The following HNRNPR variants were observed in gnomAD, a reference collection of about 807,000 sequenced individuals.
HNRNPR encodes the protein heterogeneous nuclear ribonucleoprotein R.
HNRNPR carries 4 observed loss-of-function variants against 70.3 expected under a neutral mutation model. The ratio of observed to expected loss-of-function variants is 0.06; its 90% confidence interval spans 0.03 to 0.13. HNRNPR has a LOEUF of 0.13. HNRNPR is among the 10% of genes least tolerant of loss of function. The probability of loss-of-function intolerance (pLI) is 1.00; values close to 1 mark genes in which losing one functional copy is unlikely to be tolerated. For missense variants in HNRNPR, 423 were observed against 788.5 expected (o/e 0.54, Z 5.55); for synonymous variants, 241 against 267.6 (o/e 0.90, Z 0.97).
In HNRNPR at chr1:23,305,665, A is replaced by G. The variant is rs1645192468; in HGVS notation, c.*4789T>C. On this transcript the variant is annotated 3_prime_UTR_variant, in exon 11 of 11. Transcript: ENST00000302271. ...ACCTTACCATCATGGAATCCCCTAC[A>G]AACTATAAGATGAGGGATTTTAATC... 6.6e-6 allele frequency: 1 copy of G among 152,180 alleles called. No individual in the cohort carries two copies. Among genetic ancestry groups the G allele is most frequent in the Non-Finnish European group, 1.5e-5 (1 of 68,004 alleles). The allele number at this position is 152,180 out of a possible 1,614,324, so 9.4% of individuals were successfully genotyped here.
intron 5 of HNRNPR, among the ~76,000 whole-genome samples, chr1:23,328,784 G>A (rs1362202989): frequency 6.6e-6 from 1 of 152,170 alleles, no homozygotes; most frequent in Non-Finnish European, 1.5e-5. Context: ...ACAGGCGTGA[G>A]CCACCGCACC....
Position 23,318,158 on chromosome 1 carries a change from T to A in HNRNPR, c.1017+325A>T, listed in dbSNP as rs1353453517. On this transcript the variant is annotated intron_variant, in intron 8 of 10. Transcript: ENST00000302271. This position sits in a 1 kb window ranked among gnomAD's most constrained non-coding sequence, Gnocchi z 4.2. The stretch of plus-strand genomic sequence containing the variant: ...TCCAAAACATTACTTCTCTCTTTAC[T>A]CAGGACTTTTAAAAAAAAAAAAAAC... Among the ~76,000 whole-genome samples, 2 of 149,148 alleles carry A rather than the reference T, an allele frequency of 1.3e-5. No individual in the cohort carries two copies. Among genetic ancestry groups the A allele is most frequent in the East Asian group, 3.9e-4 (2 of 5,158 alleles).
At chr1:23,338,453 C>T in intron 3 of HNRNPR, 37 bp downstream of exon 3, 2 of 793,584 alleles carry the variant, frequency 2.5e-6, no homozygotes, top group Non-Finnish European at 3.9e-6. Context: ...TTTCAGATTA[C>T]TAATTGTTCA....
rs1245742664 is a variant in HNRNPR, at chr1:23,308,620, CT to C, written c.*1833del. 2.6e-5 allele frequency: 4 copies of C among 152,030 alleles called. No homozygotes were observed. Among genetic ancestry groups the C allele is most frequent in the Non-Finnish European group, 5.9e-5 (4 of 67,902 alleles). 9.4% of individuals were successfully genotyped at this position (152,030 alleles called of 1,614,324 possible). On this transcript the variant is annotated 3_prime_UTR_variant, in exon 11 of 11. Transcript: ENST00000302271. ...ACTATCATACAACAGACCATAATTC[CT>C]TTATCAGTTTCCAAAAAACTAAAAT...
rs762086929 is a variant in HNRNPR, at chr1:23,340,929, G to T, written c.80C>A (p.Thr27Lys). The T allele has an allele frequency of 1.2e-6, 2 of 1,613,116 alleles. No individual in the cohort carries two copies. The highest frequency in any genetic ancestry group is 1.7e-6 in the Non-Finnish European group (2 of 1,179,226). ...EPMDTSSVTH[T>K]EHYKTLIEAG... is the part of the protein sequence containing the mutation. ...CTCTATCAGTGTCTTGTAGTGTTCT[G>T]TGTGAGTTACACTGGAAGTATCCAT... The change falls in exon 2 of 11, where the codon ACA becomes AAA. Residue 27 changes from threonine to lysine, a missense_variant. Physicochemically the swap from Thr to Lys is moderately conservative, Grantham distance 78. This residue lies in a region of HNRNPR where 44 missense variants were observed against 89.0 expected (regional missense o/e 0.49). Coordinates refer to ENST00000302271, the MANE Select transcript of HNRNPR (RefSeq NM_005826.5).
rs910087628 is a variant in HNRNPR at position 23,305,215 on chromosome 1, T to A, written c.*5239A>T. ...CTTACATAAACTCATCAGAATTACA[T>A]GAATATTCCTACTGCTTACCTTAAA... On this transcript the variant is annotated 3_prime_UTR_variant, in exon 11 of 11. Coordinates refer to ENST00000302271, the MANE Select transcript of HNRNPR (RefSeq NM_005826.5). 1 of 152,210 alleles carries A rather than the reference T, an allele frequency of 6.6e-6. No homozygotes were observed. Among genetic ancestry groups the A allele is most frequent in the East Asian group, 1.9e-4 (1 of 5,202 alleles). 9.4% of individuals were successfully genotyped at this position (152,210 alleles called of 1,614,324 possible).
chr1:23,337,872 CAAGT>C lies in HNRNPR; in HGVS notation c.277-15_277-12del. On this transcript the variant is annotated splice_polypyrimidine_tract_variant and intron_variant, in intron 3 of 10. Coordinates refer to ENST00000302271, the MANE Select transcript of HNRNPR (RefSeq NM_005826.5). ...AAATGCACTTTTGTTCTAGAACAGA[CAAGT>C]AATTCAATAAAAAGAATCACCAAAA... The C allele has an allele frequency of 6.8e-7, 1 of 1,475,054 alleles. No homozygotes were observed. The highest frequency in any genetic ancestry group is 9.3e-7 in the Non-Finnish European group (1 of 1,070,042). 91.4% of individuals were successfully genotyped at this position (1,475,054 alleles called of 1,614,324 possible). A position where few individuals can be genotyped will look rare whatever the true frequency, so the allele number is the denominator to read the frequency against.
rs1645209639 is a variant in HNRNPR, at chr1:23,306,824, A to G, written c.*3630T>C. ...ACCTAATCAACAAACTTCTAATATA[A>G]AAGTAAACATGTCTGGCTAATGGAT... On this transcript the variant is annotated 3_prime_UTR_variant, in exon 11 of 11. Transcript: ENST00000302271. 1 of 152,214 alleles carries G rather than the reference A, an allele frequency of 6.6e-6. No homozygotes were observed. Among genetic ancestry groups the G allele is most frequent in the Non-Finnish European group, 1.5e-5 (1 of 68,030 alleles). The allele number at this position is 152,214 out of a possible 1,614,324, so 9.4% of individuals were successfully genotyped here. A position where few individuals can be genotyped will look rare whatever the true frequency, so the allele number is the denominator to read the frequency against.
intron 1 of HNRNPR, among the ~76,000 whole-genome samples, chr1:23,341,690 C>T (rs950441458): frequency 6.6e-6 from 1 of 152,024 alleles, no homozygotes; most frequent in South Asian, 2.1e-4. Context: ...AAATAAAATA[C>T]TAAGTGAGCT....
At position 23,318,145 on chromosome 1, in the gene HNRNPR, C is replaced by T. The variant is rs2148353095; in HGVS notation, c.1017+338G>A. On this transcript the variant is annotated intron_variant, in intron 8 of 10. Transcript: ENST00000302271. This position sits in a 1 kb window ranked among gnomAD's most constrained non-coding sequence, Gnocchi z 4.2. ...ATAACTTATAATCTCCAAAACATTA[C>T]TTCTCTCTTTACTCAGGACTTTTAA... is the stretch of plus-strand genomic sequence containing the variant. Among the ~76,000 whole-genome samples the T allele has an allele frequency of 6.7e-6, 1 of 149,682 alleles. No individual in the cohort carries two copies. The highest frequency in any genetic ancestry group is 2.1e-4 in the South Asian group (1 of 4,766).
In HNRNPR at chr1:23,341,000, A is replaced by T. The variant is rs1646685656; in HGVS notation, c.9T>A (p.Asn3Lys). The part of the protein sequence containing the change: MA[N>K]QVNGNAVQLK... The stretch of plus-strand genomic sequence containing the variant: ...ACTGTACCGCATTACCATTCACCTG[A>T]TTAGCCATTTTATTATGCTGCTGGA... The change falls in exon 2 of 11, where the codon AAT becomes AAA. Residue 3 changes from asparagine to lysine, a missense_variant. This residue lies in a region of HNRNPR where 44 missense variants were observed against 89.0 expected (regional missense o/e 0.49). Transcript: ENST00000302271. 1 of 1,603,816 alleles carries T rather than the reference A, an allele frequency of 6.2e-7. No individual in the cohort carries two copies. Among genetic ancestry groups the T allele is most frequent in the Non-Finnish European group, 8.5e-7 (1 of 1,176,868 alleles).
intron 8 of HNRNPR, among the ~76,000 whole-genome samples, chr1:23,317,106 C>T (rs1645573941): frequency 6.6e-6 from 1 of 152,144 alleles, no homozygotes; most frequent in African/African-American, 2.4e-5. Context: ...AGAGTTGCTG[C>T]CTCCCTGTGA....
rs1369875162 is a variant in HNRNPR at position 23,330,422 on chromosome 1, C to A, written c.498+3096G>T. The stretch of plus-strand genomic sequence containing the variant: ...TGGTGGTGCATGCTTGCAGTCCCAG[C>A]TACTTGGGAGGCTCAGGCAGGAGGA... On this transcript the variant is annotated intron_variant, in intron 5 of 10. Transcript: ENST00000302271. Among the ~76,000 whole-genome samples, 3 of 152,072 alleles carry A rather than the reference C, an allele frequency of 2.0e-5. No homozygotes were observed. The East Asian group carries it at 5.8e-4, about 29-fold the overall frequency.
chr1:23,316,709 T>C (rs1028222682), intron 8 of HNRNPR, among the ~76,000 whole-genome samples: 2 of 152,154 alleles, frequency 1.3e-5, no homozygotes, highest in African/African-American at 2.4e-5. Flanking sequence ...CTCAATAAAA[T>C]AGATGACATT....
chr1:23,336,968 T>C (rs1167122118), intron 4 of HNRNPR, among the ~76,000 whole-genome samples: 1 of 152,182 alleles, frequency 6.6e-6, no homozygotes, highest in Non-Finnish European at 1.5e-5. Flanking sequence ...TTATTCTAAG[T>C]GCTTTATATA....
At position 23,310,936 on chromosome 1, in the gene HNRNPR, A is replaced by C; in HGVS notation, c.1420T>G (p.Tyr474Asp). ...TAGTCGTGATAATCATAACCATAGTAATCATCATAGTAATCTTCATAGCCG... is the reference window on the plus strand; with the variant it reads ...TAGTCGTGATAATCATAACCATAGTCATCATCATAGTAATCTTCATAGCCG... ...YYGYEDYYDD[Y>D]YGYDYHDYRG... Residue 474 changes from tyrosine (Y) to aspartate (D), a missense_variant, in exon 11 of 11, where the codon TAC (tyrosine) becomes GAC (aspartate). Tyr to Asp is a radical substitution (Grantham distance 160, BLOSUM62 -3). Transcript: ENST00000302271. This position sits in a 1 kb window ranked among gnomAD's most constrained non-coding sequence, Gnocchi z 6.0. 1.2e-6 allele frequency: 2 copies of C among 1,614,110 alleles called. No homozygotes were observed. Among genetic ancestry groups the C allele is most frequent in the Non-Finnish European group, 1.7e-6 (2 of 1,180,028 alleles).
chr1:23,325,735 A>G (rs886498484), intron 5 of HNRNPR, among the ~76,000 whole-genome samples: 3 of 152,108 alleles, frequency 2.0e-5, no homozygotes, highest in African/African-American at 7.2e-5. Flanking sequence ...TTCAACTCTC[A>G]TATTTTGCTC....
intron 5 of HNRNPR, 132 bp downstream of exon 5, chr1:23,333,384 GGA>G: frequency 1.0e-5 from 6 of 576,442 alleles, no homozygotes; most frequent in Non-Finnish European, 1.9e-5. Context: ...AAATACAAAT[GGA>G]TATCTAAAAA....
rs771692631 is a variant in HNRNPR at position 23,318,666 on chromosome 1, G to T, written c.834C>A (p.Leu278=). Residue 278 remains leucine, a synonymous_variant, in exon 8 of 11, where the codon CTC becomes CTA. Transcript: ENST00000302271. The surrounding 1 kb of genome is among the most constrained non-coding windows in gnomAD (Gnocchi z 4.2). Reference sequence around the variant, plus strand: ...TCTTTTTGTCATCGGGTTGATGATAGAGAATAACGTCCACCAAACCCTCTG... The same window carrying T: ...TCTTTTTGTCATCGGGTTGATGATATAGAATAACGTCCACCAAACCCTCTG... ...KVTEGLVDVI[L]YHQPDDKKKN... is the part of the protein sequence containing the mutation. The T allele has an allele frequency of 6.2e-7, 1 of 1,614,166 alleles. No individual in the cohort carries two copies. The highest frequency in any genetic ancestry group is 1.1e-5 in the South Asian group (1 of 91,078).
Sources: gnomAD v4.1 joint callset for allele counts (sites outside exome capture counted in the v4.1 genomes callset) on GRCh38, gnomAD v4.1.1 for gene constraint, gnomAD v4.1.1 regional missense constraint, Gnocchi (gnomAD v3.1) non-coding constraint, MANE v1.5 for transcripts, NCBI Gene and HGNC (gene_info 2026-07-23, HGNC 2026-07-21) for gene names.